Variants in ZNF804B observed in about 807,000 individuals in gnomAD.
The protein encoded by ZNF804B is zinc finger protein 804B.
ZNF804B carries 80 observed loss-of-function variants against 101.4 expected under a neutral mutation model. The ratio of observed to expected loss-of-function variants is 0.79; its 90% CI spans 0.66 to 0.95. ZNF804B has a LOEUF of 0.95. Ranked by LOEUF, ZNF804B falls within the 40% of genes least tolerant of loss-of-function variation. The pLI is 0.00. For missense variants in ZNF804B, 1,673 were observed against 1,561.9 expected (o/e 1.07, Z -1.20); for synonymous variants, 622 against 558.8 (o/e 1.11, Z -1.59).
At chr7:88,766,893 G>A (rs1789992736) in intron 1 of ZNF804B, among the ~76,000 whole-genome samples, 1 of 150,982 alleles carries the variant, frequency 6.6e-6, no homozygotes. Context: ...AATTAGGACT[G>A]CCAGTTTTCT....
intron 2 of ZNF804B, among the ~76,000 whole-genome samples, chr7:89,313,903 T>A (rs573522260): frequency 6.6e-6 from 1 of 152,290 alleles, no homozygotes; most frequent in East Asian, 1.9e-4. Flanking sequence ...TCCAGAACTA[T>A]GAAGCCTATC....
At chr7:88,847,362 T>C (rs933293611) in intron 1 of ZNF804B, among the ~76,000 whole-genome samples, 2 of 152,070 alleles carry the variant, frequency 1.3e-5, no homozygotes, top group African/African-American at 4.8e-5. Flanking sequence ...AAATATTTCT[T>C]CCTTGAATAA....
intron 3 of ZNF804B, among the ~76,000 whole-genome samples, chr7:89,328,943 T>C (rs1790935496): frequency 6.6e-6 from 1 of 151,844 alleles, no homozygotes; most frequent in Non-Finnish European, 1.5e-5. Context: ...ATGGCAGTGG[T>C]CATGGTGATG....
chr7:89,005,834 C>T (rs1168512159), intron 1 of ZNF804B, among the ~76,000 whole-genome samples: 2 of 151,990 alleles, frequency 1.3e-5, no homozygotes, highest in Admixed American at 6.6e-5. Flanking sequence ...ATTCTTTCAC[C>T]AGCTCTAAGT....
At chr7:89,093,981 C>T (rs187611637) in intron 1 of ZNF804B, among the ~76,000 whole-genome samples, 123 of 152,316 alleles carry the variant, frequency 8.1e-4, no homozygotes, top group African/African-American at 2.8e-3. Context: ...CAGAAGCCCA[C>T]CAGGATAGGT....
intron 1 of ZNF804B, among the ~76,000 whole-genome samples, chr7:88,937,189 GA>G (rs1792986162): frequency 6.6e-6 from 1 of 151,336 alleles, no homozygotes; most frequent in Non-Finnish European, 1.5e-5. Flanking sequence ...TCCCAGGGGT[GA>G]AAAACAAATA....
chr7:88,898,191 AT>A (rs762047488), intron 1 of ZNF804B, among the ~76,000 whole-genome samples: 18 of 139,882 alleles, frequency 1.3e-4, no homozygotes, highest in Non-Finnish European at 2.7e-4. Flanking sequence ...GGTTCACGCC[AT>A]TCTCCTGCCT....
At chr7:89,026,251 A>G (rs901943109) in intron 1 of ZNF804B, among the ~76,000 whole-genome samples, 3 of 152,174 alleles carry the variant, frequency 2.0e-5, no homozygotes, top group African/African-American at 7.2e-5. Context: ...GCTTAGGAGT[A>G]ATGCTCAATA....
At chr7:89,164,038 A>T (rs1043396146) in intron 1 of ZNF804B, among the ~76,000 whole-genome samples, 1 of 151,974 alleles carries the variant, frequency 6.6e-6, no homozygotes, top group Non-Finnish European at 1.5e-5. Context: ...CACCTAAATT[A>T]CTATCTCTCA....
chr7:89,253,113 ACTT>A (rs1355529384), intron 2 of ZNF804B, among the ~76,000 whole-genome samples: 2 of 152,176 alleles, frequency 1.3e-5, no homozygotes, highest in African/African-American at 4.8e-5. Flanking sequence ...GCTTTTCAAA[ACTT>A]CTGGGATATA....
At chr7:89,190,516 T>A (rs1365070243) in intron 1 of ZNF804B, among the ~76,000 whole-genome samples, 1 of 152,116 alleles carries the variant, frequency 6.6e-6, no homozygotes, top group Non-Finnish European at 1.5e-5. Context: ...GCTATGAACA[T>A]TGTTCAAATG....
rs564921274 is a variant in ZNF804B at position 89,252,144 on chromosome 7, C to T, written c.249+33849C>T. ...AACATACAGAATGAGAGAAAGTATT[C>T]GCAAACTGTGCATCCAACAAAGGTC... On this transcript the variant is annotated intron_variant, in intron 2 of 3. Coordinates refer to ENST00000333190, the MANE Select transcript of ZNF804B (RefSeq NM_181646.5). Among the ~76,000 whole-genome samples the T allele has an allele frequency of 3.9e-5, 6 of 152,100 alleles. No individual in the cohort carries two copies. The East Asian group carries it at 7.7e-4, about 20-fold the overall frequency.
intron 1 of ZNF804B, among the ~76,000 whole-genome samples, chr7:89,109,887 C>T (rs1274585209): frequency 2.0e-5 from 3 of 152,094 alleles, no homozygotes; most frequent in Non-Finnish European, 4.4e-5. Context: ...ACCTGATACA[C>T]TTTTAACTTA....
chr7:89,058,160 C>T (rs1049857903), intron 1 of ZNF804B, among the ~76,000 whole-genome samples: 2 of 151,914 alleles, frequency 1.3e-5, no homozygotes, highest in African/African-American at 4.8e-5. Context: ...AGATGTTTTC[C>T]CTATATTTAT....
At chr7:89,095,967 T>A (rs368219323) in intron 1 of ZNF804B, among the ~76,000 whole-genome samples, 12 of 151,816 alleles carry the variant, frequency 7.9e-5, no homozygotes, top group Admixed American at 2.0e-4. Context: ...TTGGCTAACA[T>A]GGTGAAACCC....
At chr7:89,004,183 A>G (rs1788336245) in intron 1 of ZNF804B, among the ~76,000 whole-genome samples, 1 of 151,874 alleles carries the variant, frequency 6.6e-6, no homozygotes, top group Non-Finnish European at 1.5e-5. Context: ...AAAGCAAATC[A>G]ATGAAAATTA....
intron 1 of ZNF804B, among the ~76,000 whole-genome samples, chr7:89,193,963 C>T (rs1788503509): frequency 1.3e-5 from 2 of 152,174 alleles, no homozygotes; most frequent in African/African-American, 4.8e-5. Flanking sequence ...TCCACATCCT[C>T]TCCAGCACCT....
At chr7:88,765,417 T>C (rs2519943) in intron 1 of ZNF804B, among the ~76,000 whole-genome samples, 65,667 of 151,946 alleles carry the variant, frequency 0.43, 16,774 homozygotes, top group African/African-American at 0.7. Context: ...CTGTATAAAG[T>C]GTATGCACTA....
intron 1 of ZNF804B, among the ~76,000 whole-genome samples, chr7:88,950,130 C>A (rs536211962): frequency 6.6e-6 from 1 of 152,004 alleles, no homozygotes; most frequent in African/African-American, 2.4e-5. Context: ...TCTACTTGGA[C>A]AATCATGTCA....
Sources: allele counts gnomAD v4.1 joint callset (sites outside exome capture counted in the v4.1 genomes callset), GRCh38; gene constraint gnomAD v4.1.1; transcripts MANE v1.5; gene names NCBI Gene and HGNC (gene_info 2026-07-23, HGNC 2026-07-21).